The following CDH3 variants were observed in gnomAD, a reference collection of about 807,000 sequenced individuals.
The protein encoded by CDH3 is cadherin 3.
In CDH3, 54 loss-of-function variants were observed where a neutral mutation model predicts 82.0. The ratio of observed to expected loss-of-function variants is 0.66; its 90% CI spans 0.53 to 0.83. CDH3 has a LOEUF of 0.83. CDH3 is among the 40% of genes least tolerant of loss of function. The probability of loss-of-function intolerance (pLI) is 0.00; values close to 1 mark genes in which losing one functional copy is unlikely to be tolerated. For synonymous variants in CDH3, 446 were observed against 437.9 expected, an observed-to-expected ratio of 1.02 and a Z score of -0.23; for missense variants, 1,054 against 1,084.6, an observed-to-expected ratio of 0.97 and a Z score of 0.40.
rs140647269 is a variant in CDH3 at position 68,665,324 on chromosome 16, C to T, written c.161-11061C>T. 7.4e-3 allele frequency among the ~76,000 whole-genome samples: 1,122 copies of T among 152,222 alleles called. 3 individuals are homozygous for T. Among genetic ancestry groups the T allele is most frequent in the Non-Finnish European group, 0.011 (756 of 68,008 alleles). On this transcript the variant is annotated intron_variant, in intron 2 of 15. Coordinates refer to ENST00000264012, the MANE Select transcript of CDH3 (RefSeq NM_001793.6). The stretch of plus-strand genomic sequence containing the variant: ...TCGGGAGGCTGAGGCAGGAGAATCA[C>T]TTGAAACTGGGAGGTTCAAGTGAGC...
At chr16:68,661,245 T>C (rs1327871808) in intron 2 of CDH3, among the ~76,000 whole-genome samples, 1 of 152,240 alleles carries the variant, frequency 6.6e-6, no homozygotes, top group African/African-American at 2.4e-5. Context: ...ATCTGTATTA[T>C]AATGTATAGA....
chr16:68,652,508 TC>T (rs1161235136), intron 2 of CDH3, among the ~76,000 whole-genome samples: 1 of 152,128 alleles, frequency 6.6e-6, no homozygotes, highest in Non-Finnish European at 1.5e-5. Context: ...AGGAAGGGCC[TC>T]CCCAGCTCCC....
intron 1 of CDH3, among the ~76,000 whole-genome samples, chr16:68,711,178 C>T (rs575014559): frequency 4.0e-5 from 6 of 151,782 alleles, no homozygotes; most frequent in East Asian, 3.9e-4. Context: ...GGCATGGTGA[C>T]GCATGCCTGT....
At chr16:68,727,574 A>T (rs537156856), downstream of CDH3, among the ~76,000 whole-genome samples, 1 of 152,172 alleles carries the variant, frequency 6.6e-6, no homozygotes, top group Admixed American at 6.6e-5. Context: ...CCAGGGGTTC[A>T]CAACTAGCCT....
chr16:68,720,992 G>C (rs985402866), intron 1 of CDH3, among the ~76,000 whole-genome samples: 1 of 152,004 alleles, frequency 6.6e-6, no homozygotes, highest in Non-Finnish European at 1.5e-5. Context: ...ACTCCTAGAT[G>C]GTAGGAACTA....
At chr16:68,693,517 C>T (rs760005138) in intron 13 of CDH3, among the ~76,000 whole-genome samples, 4 of 152,068 alleles carry the variant, frequency 2.6e-5, no homozygotes, top group South Asian at 2.1e-4. Context: ...TTCCATTTGC[C>T]GTTTTGGGAA....
chr16:68,711,118 C>T (rs1962024472), intron 1 of CDH3, among the ~76,000 whole-genome samples: 1 of 151,858 alleles, frequency 6.6e-6, no homozygotes, highest in African/African-American at 2.4e-5. Context: ...TGAGACCAGC[C>T]TGACCAACAT....
intron 11 of CDH3, chr16:68,686,529 C>T (rs574975288): frequency 1.1e-5 from 13 of 1,137,026 alleles, no homozygotes; most frequent in East Asian, 2.3e-5. Flanking sequence ...GCTGTTGGAT[C>T]GGATTCTAAA....
chr16:68,710,223 G>C (rs1437934143), intron 1 of CDH3, among the ~76,000 whole-genome samples: 5 of 152,176 alleles, frequency 3.3e-5, no homozygotes, highest in Non-Finnish European at 7.4e-5. Context: ...CTGTCATGTG[G>C]ACCCTCTTCC....
downstream of CDH3, among the ~76,000 whole-genome samples, chr16:68,731,425 T>TATATATATAC (rs1176429009): frequency 3.8e-5 from 2 of 51,950 alleles, no homozygotes; most frequent in Non-Finnish European, 6.5e-5. Context: ...CATATACACA[T>TATATATATAC]ATATACACAT....
chr16:68,650,865 G>A (rs1960221997), intron 2 of CDH3, among the ~76,000 whole-genome samples: 2 of 151,978 alleles, frequency 1.3e-5, no homozygotes, highest in African/African-American at 4.8e-5. Context: ...AAGGCAAGGG[G>A]GGAATATCCC....
At position 68,679,797 on chromosome 16, in the gene CDH3, A is replaced by G; in HGVS notation, c.692-2A>G. On this transcript the variant is annotated splice_acceptor_variant, in intron 6 of 15. Transcript: ENST00000264012. LOFTEE classifies it high-confidence loss of function. ...GAAAAGATACTCATCCCTTCTCTCC[A>G]GGTACTTCTGTGATGCAGGTGACAG... 1 of 1,608,526 alleles carries G rather than the reference A, an allele frequency of 6.2e-7. No individual in the cohort carries two copies. The highest frequency in any genetic ancestry group is 1.3e-5 in the African/African-American group (1 of 74,748).
chr16:68,679,342 G>A (rs1427227900), intron 6 of CDH3, among the ~76,000 whole-genome samples: 2 of 152,220 alleles, frequency 1.3e-5, no homozygotes, highest in Non-Finnish European at 2.9e-5. Context: ...CGCCTAATGC[G>A]AAGCTCTTGA....
At chr16:68,665,911 G>C (rs983889083) in intron 2 of CDH3, among the ~76,000 whole-genome samples, 2 of 152,080 alleles carry the variant, frequency 1.3e-5, no homozygotes, top group African/African-American at 4.8e-5. Flanking sequence ...CTAGTCGGGG[G>C]AAAAACTCAC....
chr16:68,684,761 C>T lies in CDH3; in HGVS notation c.1361C>T (p.Pro454Leu). The T allele has an allele frequency of 6.2e-7, 1 of 1,614,150 alleles. No homozygotes were observed. The highest frequency in any genetic ancestry group is 8.5e-7 in the Non-Finnish European group (1 of 1,180,024). The change falls in exon 10 of 16, where the codon CCC (proline) becomes CTC (leucine). Residue 454 changes from proline (P) to leucine (L), a missense_variant. Transcript: ENST00000264012. ...GTCGTTGAGGTCCAGGAGGGCATCC[C>T]CACTGGGGAGCCTGTGTGTGTCTAC... ...SKVVEVQEGI[P>L]TGEPVCVYTA...
downstream of CDH3, among the ~76,000 whole-genome samples, chr16:68,731,473 CACACACACGTATATACACATATATATAT>C (rs1223956462): frequency 3.5e-3 from 113 of 31,928 alleles, 12 homozygotes; most frequent in Middle Eastern, 0.013. Context: ...TATATATATA[CACACACACGTATATACACATATATATAT>C]ACACACACAC....
the CDH3 span, among the ~76,000 whole-genome samples, chr16:68,732,973 G>C: frequency 2.0e-5 from 3 of 151,538 alleles, no homozygotes; most frequent in Non-Finnish European, 3.0e-5. Flanking sequence ...AGGAGAGCCT[G>C]GGGGAGGGGA....
At chr16:68,651,960 G>GGC in intron 2 of CDH3, 1 of 327,678 alleles carries the variant, frequency 3.1e-6, no homozygotes, top group East Asian at 8.1e-5. Flanking sequence ...GAATACGGCT[G>GGC]GCAGGTGCGG....
chr16:68,696,031 A>G, intron 15 of CDH3, 108 bp downstream of exon 15: 1 of 1,175,352 alleles, frequency 8.5e-7, no homozygotes, highest in Non-Finnish European at 1.2e-6. Flanking sequence ...TCAAATTCTG[A>G]CTCCACCACC....
Sources: gnomAD v4.1 joint callset for allele counts (sites outside exome capture counted in the v4.1 genomes callset) on GRCh38, gnomAD v4.1.1 for gene constraint, MANE v1.5 for transcripts, NCBI Gene and HGNC (gene_info 2026-07-23, HGNC 2026-07-21) for gene names.